The following DSCAML1 variants were observed in gnomAD, a reference collection of about 807,000 sequenced individuals.
The protein encoded by DSCAML1 is cell adhesion molecule DSCAML1.
A neutral mutation model predicts 200.5 loss-of-function variants in DSCAML1; 38 were observed. That is an observed-to-expected ratio of 0.19 (90% CI 0.15 to 0.25). The LOEUF (loss-of-function observed/expected upper bound fraction) is 0.25. Among genes scored for constraint, DSCAML1 ranks in the 10% least tolerant of loss-of-function variants. The probability of loss-of-function intolerance (pLI) is 1.00; values close to 1 mark genes in which losing one functional copy is unlikely to be tolerated. For synonymous variants in DSCAML1, 1,215 were observed against 1,165.0 expected, an observed-to-expected ratio of 1.04 and a Z score of -0.87; for missense variants, 2,223 against 2,858.8, an observed-to-expected ratio of 0.78 and a Z score of 5.07.
chr11:117,623,583 T>A (rs1228200498), intron 3 of DSCAML1, among the ~76,000 whole-genome samples: 3 of 152,200 alleles, frequency 2.0e-5, no homozygotes, highest in Non-Finnish European at 4.4e-5. Context: ...CTTAGCTCTG[T>A]CACTCACCCG....
At position 117,437,398 on chromosome 11, in the gene DSCAML1, T is replaced by C. The variant is rs137939514; in HGVS notation, c.4444A>G (p.Ser1482Gly). The change falls in exon 26 of 33, where the codon AGC becomes GGC. Residue 1482 changes from serine (S) to glycine (G), a missense_variant. By Grantham distance (56) the Ser-to-Gly change is moderately conservative. Around this residue, in one of 7 missense-constraint regions of DSCAML1, gnomAD observed 614 missense variants for 739.1 expected, o/e 0.83. Transcript: ENST00000651296. This position sits in a 1 kb window ranked among gnomAD's most constrained non-coding sequence, Gnocchi z 5.3. ...AKTHGREPSFSKDQHLFTHIN... is the reference protein window; with the variant it reads ...AKTHGREPSFGKDQHLFTHIN... ...TGGGTGAAGAGGTGTTGGTCTTTGC[T>C]GAAGGAGGGCTCTGGCAGGCCGGAG... 74 of 1,611,294 alleles carry C rather than the reference T, an allele frequency of 4.6e-5. No individual in the cohort carries two copies. Among genetic ancestry groups the C allele is most frequent in the African/African-American group, 3.2e-4 (24 of 74,814 alleles).
At chr11:117,664,002 C>A (rs1000734699) in intron 3 of DSCAML1, among the ~76,000 whole-genome samples, 2 of 152,216 alleles carry the variant, frequency 1.3e-5, no homozygotes, top group African/African-American at 4.8e-5. Flanking sequence ...AGCGCCATCA[C>A]CAAACATTGG....
chr11:117,532,144 A>G (rs936875965), intron 4 of DSCAML1, among the ~76,000 whole-genome samples: 6 of 139,428 alleles, frequency 4.3e-5, no homozygotes, highest in Non-Finnish European at 7.6e-5. Flanking sequence ...AAAAAAAAGG[A>G]AAAAAAAGGG....
At chr11:117,698,938 T>TA (rs1338266655) in intron 3 of DSCAML1, among the ~76,000 whole-genome samples, 1 of 152,182 alleles carries the variant, frequency 6.6e-6, no homozygotes, top group Non-Finnish European at 1.5e-5. Flanking sequence ...ACATGACACT[T>TA]ACGCACAACA....
intron 3 of DSCAML1, among the ~76,000 whole-genome samples, chr11:117,727,755 C>A (rs929388011): frequency 2.0e-5 from 3 of 152,084 alleles, no homozygotes; most frequent in Non-Finnish European, 1.5e-5. Flanking sequence ...GGAGCACAGG[C>A]GAGGTGAAGG....
At chr11:117,770,338 A>G (rs2055015181) in intron 3 of DSCAML1, among the ~76,000 whole-genome samples, 1 of 152,148 alleles carries the variant, frequency 6.6e-6, no homozygotes, top group Non-Finnish European at 1.5e-5. Context: ...CAGGGTGACA[A>G]TCCCAGCCAC....
intron 3 of DSCAML1, among the ~76,000 whole-genome samples, chr11:117,547,717 ATCTAATT>A (rs2050401679): frequency 6.6e-6 from 1 of 152,212 alleles, no homozygotes; most frequent in African/African-American, 2.4e-5. Context: ...TTGTGGTCTT[ATCTAATT>A]CATTCTCACT....
intron 3 of DSCAML1, among the ~76,000 whole-genome samples, chr11:117,706,866 G>A (rs1810910976): frequency 6.6e-6 from 1 of 152,206 alleles, no homozygotes; most frequent in Non-Finnish European, 1.5e-5. Context: ...ACGAACCACA[G>A]GTTAACAGCC....
At chr11:117,786,712 C>T (rs1433571911) in intron 1 of DSCAML1, among the ~76,000 whole-genome samples, 1 of 152,172 alleles carries the variant, frequency 6.6e-6, no homozygotes, top group Non-Finnish European at 1.5e-5. Flanking sequence ...CCCGAGGGGA[C>T]TGAAATATTA....
At chr11:117,524,230 A>T (rs1397940768) in intron 5 of DSCAML1, among the ~76,000 whole-genome samples, 1 of 152,186 alleles carries the variant, frequency 6.6e-6, no homozygotes, top group Non-Finnish European at 1.5e-5. Flanking sequence ...GAGGAATAGG[A>T]AGGAACCAGG....
At position 117,518,572 on chromosome 11, in the gene DSCAML1, G is replaced by A. The variant is rs771721350; in HGVS notation, c.1404C>T (p.Ser468=). Residue 468 remains serine, a synonymous_variant, in exon 7 of 33, where the codon AGC becomes AGT. Transcript: ENST00000651296. The surrounding 1 kb of genome is among the most constrained non-coding windows in gnomAD (Gnocchi z 6.3). The part of the protein sequence containing the change: ...QYTMSDGTTI[S]HMNVTGPQIR... ...TCTGGGGGCCTGTGACGTTCATGTG[G>A]CTGATGGTGGTGCCGTCCGACATGG... 17 of 1,614,034 alleles carry A rather than the reference G, an allele frequency of 1.1e-5. No homozygotes were observed. The Admixed American group carries it at 2.5e-4, about 24-fold the overall frequency.
rs1434438523 is a variant in DSCAML1 at position 117,656,520 on chromosome 11, T to TATCG, written c.511+120270_511+120271insCGAT. ...TCATCTATCTATCTATCTATCTATC[T>TATCG]ATCTATCTATCTATCTATCTATCTA... On this transcript the variant is annotated intron_variant, in intron 3 of 32. Transcript: ENST00000651296. Among the ~76,000 whole-genome samples, 14 of 149,368 alleles carry TATCG rather than the reference T, an allele frequency of 9.4e-5. 1 individual carries two copies. Among genetic ancestry groups the TATCG allele is most frequent in the Non-Finnish European group, 1.8e-4 (12 of 67,350 alleles).
intron 3 of DSCAML1, among the ~76,000 whole-genome samples, chr11:117,753,050 C>G (rs1362340282): frequency 6.6e-6 from 1 of 151,056 alleles, no homozygotes; most frequent in Admixed American, 6.6e-5. Context: ...GGAGGGTAGA[C>G]AGACCTGGCT....
chr11:117,696,588 G>A (rs568736228), intron 3 of DSCAML1, among the ~76,000 whole-genome samples: 3 of 152,248 alleles, frequency 2.0e-5, no homozygotes, highest in Admixed American at 6.5e-5. Context: ...CCCCCAGGGT[G>A]GGTGTAGATC....
In DSCAML1 at chr11:117,504,913, C is replaced by G; in HGVS notation, c.2182+11G>C. On this transcript the variant is annotated intron_variant, in intron 10 of 32. Transcript: ENST00000651296. The surrounding 1 kb of genome is among the most constrained non-coding windows in gnomAD (Gnocchi z 5.0). ...CCCTTCTTGGAGATTCTGGCTGGGCCAGGGGCTTACCCTTGGCATGCTTCC... is the reference window on the plus strand; with the variant it reads ...CCCTTCTTGGAGATTCTGGCTGGGCGAGGGGCTTACCCTTGGCATGCTTCC... The G allele has an allele frequency of 6.3e-7, 1 of 1,598,052 alleles. No individual in the cohort carries two copies. Among genetic ancestry groups the G allele is most frequent in the Admixed American group, 1.7e-5 (1 of 59,286 alleles).
Position 117,438,004 on chromosome 11 carries a change from C to T in DSCAML1, c.4323G>A (p.Lys1441=), listed in dbSNP as rs763150424. 1.2e-6 allele frequency: 2 copies of T among 1,614,162 alleles called. No individual in the cohort carries two copies. Among genetic ancestry groups the T allele is most frequent in the South Asian group, 2.2e-5 (2 of 91,080 alleles). The stretch of plus-strand genomic sequence containing the variant: ...ACGTGCCACACTTGAGGCTGTCCAG[C>T]TTGAAGGAGCGCTCGCTGGAGCTGA... ...VFISSSERSF[K]LDSLKCGTWY... is the part of the protein sequence containing the mutation. Residue 1441 remains lysine, a synonymous_variant, in exon 25 of 33, where the codon AAG becomes AAA. Transcript: ENST00000651296.
At chr11:117,597,404 A>G (rs544070687) in intron 3 of DSCAML1, among the ~76,000 whole-genome samples, 1 of 152,334 alleles carries the variant, frequency 6.6e-6, no homozygotes, top group Non-Finnish European at 1.5e-5. Flanking sequence ...CCTGAGTTAG[A>G]GACCAAGGTC....
At chr11:117,718,335 C>T (rs541923576) in intron 3 of DSCAML1, among the ~76,000 whole-genome samples, 18 of 152,326 alleles carry the variant, frequency 1.2e-4, no homozygotes, top group African/African-American at 4.3e-4. Context: ...CAGGCAGCTC[C>T]CAGGACCCTT....
At chr11:117,622,276 G>C (rs1157500643) in intron 3 of DSCAML1, among the ~76,000 whole-genome samples, 1 of 152,228 alleles carries the variant, frequency 6.6e-6, no homozygotes. Context: ...TCACCATGGA[G>C]ACACACACCT....
Sources: gnomAD v4.1 joint callset for allele counts (sites outside exome capture counted in the v4.1 genomes callset) on GRCh38, gnomAD v4.1.1 for gene constraint, gnomAD v4.1.1 regional missense constraint, Gnocchi (gnomAD v3.1) non-coding constraint, MANE v1.5 for transcripts, NCBI Gene and HGNC (gene_info 2026-07-23, HGNC 2026-07-21) for gene names.